The following QTMAN variants were observed in gnomAD, a reference collection of about 807,000 sequenced individuals.
QTMAN encodes queuosine-tRNA mannosyltransferase.
chr2:144,180,294 T>C, the QTMAN span, among the ~76,000 whole-genome samples: 13 of 152,314 alleles, frequency 8.5e-5, no homozygotes, highest in South Asian at 2.1e-4. Context: ...ATTGGTGACA[T>C]TTTAAATGGA....
At chr2:143,973,991 C>A in the QTMAN span, among the ~76,000 whole-genome samples, 1 of 152,050 alleles carries the variant, frequency 6.6e-6, no homozygotes. Context: ...ATTAATGAAC[C>A]CATTTAGCAT....
chr2:144,053,231 A>G, the QTMAN span, among the ~76,000 whole-genome samples: 2 of 152,226 alleles, frequency 1.3e-5, no homozygotes, highest in African/African-American at 4.8e-5. Flanking sequence ...TTTCAGATAA[A>G]TGTACATATA....
chr2:144,100,999 A>T, the QTMAN span, among the ~76,000 whole-genome samples: 1 of 150,044 alleles, frequency 6.7e-6, no homozygotes, highest in African/African-American at 2.5e-5. Flanking sequence ...CCTCCCCAGT[A>T]GCTGGGACTA....
the QTMAN span, among the ~76,000 whole-genome samples, chr2:144,114,521 C>A: frequency 1.3e-5 from 2 of 152,148 alleles, no homozygotes; most frequent in African/African-American, 4.8e-5. Context: ...AAATTCTTTT[C>A]TTCAGTACAC....
chr2:144,047,034 T>C, the QTMAN span, among the ~76,000 whole-genome samples: 1 of 151,954 alleles, frequency 6.6e-6, no homozygotes, highest in Non-Finnish European at 1.5e-5. Flanking sequence ...ACTTTGGGAG[T>C]CTGAGGCAGG....
chr2:144,240,291 G>T, the QTMAN span, among the ~76,000 whole-genome samples: 8 of 152,194 alleles, frequency 5.3e-5, no homozygotes, highest in African/African-American at 1.9e-4. Flanking sequence ...TTGCTTAAAG[G>T]TTAATGAAAT....
the QTMAN span, among the ~76,000 whole-genome samples, chr2:144,327,540 G>T: frequency 6.6e-6 from 1 of 152,220 alleles, no homozygotes; most frequent in Non-Finnish European, 1.5e-5. Context: ...GGCTAGTCAG[G>T]AAAGGCGTTC....
the QTMAN span, among the ~76,000 whole-genome samples, chr2:144,183,890 T>C: frequency 2.0e-5 from 3 of 152,110 alleles, no homozygotes; most frequent in African/African-American, 7.2e-5. Context: ...TTGGCAGTGG[T>C]TTCCTCATAC....
At chr2:144,021,268 A>G in the QTMAN span, among the ~76,000 whole-genome samples, 2 of 152,210 alleles carry the variant, frequency 1.3e-5, no homozygotes, top group African/African-American at 4.8e-5. Context: ...AAAAGTCTAA[A>G]AAGCAGAAAA....
At chr2:144,307,159 TA>T in the QTMAN span, among the ~76,000 whole-genome samples, 1,651 of 40,328 alleles carry the variant, frequency 0.041, 33 homozygotes, top group African/African-American at 0.2. Context: ...GACTCCGTCT[TA>T]AAAAAAAAAA....
the QTMAN span, among the ~76,000 whole-genome samples, chr2:143,998,077 CA>C: frequency 6.6e-6 from 1 of 151,976 alleles, no homozygotes; most frequent in Non-Finnish European, 1.5e-5. Context: ...TCCCTGTAAC[CA>C]GCTCCCCACC....
chr2:144,058,757 G>T, the QTMAN span, among the ~76,000 whole-genome samples: 2 of 152,030 alleles, frequency 1.3e-5, no homozygotes, highest in Non-Finnish European at 2.9e-5. Flanking sequence ...CATTTCTCTG[G>T]ACTTTTTTAT....
the QTMAN span, among the ~76,000 whole-genome samples, chr2:144,075,345 A>G: frequency 1.3e-5 from 2 of 152,256 alleles, no homozygotes; most frequent in Non-Finnish European, 2.9e-5. Context: ...TGATTACATG[A>G]CAAGATATAC....
At chr2:143,985,410 A>C in the QTMAN span, among the ~76,000 whole-genome samples, 182 of 152,348 alleles carry the variant, frequency 1.2e-3, 1 homozygote, top group African/African-American at 3.9e-3. Flanking sequence ...TTTTGCAAGA[A>C]GTAATAATCA....
chr2:144,056,561 G>A, the QTMAN span, among the ~76,000 whole-genome samples: 1 of 152,122 alleles, frequency 6.6e-6, no homozygotes, highest in Non-Finnish European at 1.5e-5. Context: ...AAAGATTTTT[G>A]TTTTGCATAC....
chr2:144,123,039 T>C, the QTMAN span, among the ~76,000 whole-genome samples: 1 of 151,876 alleles, frequency 6.6e-6, no homozygotes, highest in African/African-American at 2.4e-5. Flanking sequence ...GCATAATAAA[T>C]GATTTATATG....
At chr2:144,196,321 G>A in the QTMAN span, among the ~76,000 whole-genome samples, 13 of 150,646 alleles carry the variant, frequency 8.6e-5, no homozygotes, top group African/African-American at 2.0e-4. Context: ...TTAAATTTAC[G>A]ATAAAGGAAA....
the QTMAN span, among the ~76,000 whole-genome samples, chr2:144,003,156 C>A: frequency 6.6e-6 from 1 of 151,720 alleles, no homozygotes; most frequent in Non-Finnish European, 1.5e-5. Context: ...ATACAGTAAA[C>A]ATTGATAGGT....
chr2:144,210,744 A>T, the QTMAN span: 1 of 152,184 alleles, frequency 6.6e-6, no homozygotes, highest in Admixed American at 6.6e-5. Context: ...TAACTGAAAG[A>T]ACAATAAAAG....
Sources: gnomAD v4.1 joint callset for allele counts (sites outside exome capture counted in the v4.1 genomes callset) on GRCh38, gnomAD v4.1.1 for gene constraint, MANE v1.5 for transcripts, NCBI Gene and HGNC (gene_info 2026-07-23, HGNC 2026-07-21) for gene names.